DCP1A: variants seen among roughly 807,000 people sequenced by gnomAD.
DCP1A encodes the protein decapping mRNA 1A.
Under a neutral mutation model 58.0 loss-of-function variants are expected in DCP1A, and 20 were observed. The observed-to-expected ratio is 0.34, with a 90% CI of 0.24 to 0.50. The LOEUF is 0.50. Among genes scored for constraint, DCP1A ranks in the 20% least tolerant of loss-of-function variants. The probability of loss-of-function intolerance (pLI) is 0.98; values close to 1 mark genes in which losing one functional copy is unlikely to be tolerated. For synonymous variants in DCP1A, 285 were observed against 275.1 expected (o/e 1.04, Z -0.36); for missense variants, 613 against 712.2 (o/e 0.86, Z 1.59).
intron 5 of DCP1A, among the ~76,000 whole-genome samples, chr3:53,310,864 T>C (rs1386399534): frequency 1.3e-5 from 2 of 152,226 alleles, no homozygotes; most frequent in Non-Finnish European, 2.9e-5. Flanking sequence ...AGAAGGTCTA[T>C]GTAGTTTATG....
intron 3 of DCP1A, among the ~76,000 whole-genome samples, chr3:53,326,788 A>G (rs898473591): frequency 3.4e-4 from 52 of 152,318 alleles, no homozygotes; most frequent in African/African-American, 1.3e-3. Context: ...TAATTATTTC[A>G]TTATTTATTA....
chr3:53,315,355 T>C (rs111403831), intron 4 of DCP1A, among the ~76,000 whole-genome samples: 24,963 of 151,846 alleles, frequency 0.16, 2,546 homozygotes, highest in Middle Eastern at 0.28. Flanking sequence ...CAGGTCAAGA[T>C]GGTGAAACCC....
chr3:53,331,716 C>T (rs2089007744), intron 3 of DCP1A, among the ~76,000 whole-genome samples: 1 of 152,132 alleles, frequency 6.6e-6, no homozygotes, highest in Admixed American at 6.6e-5. Context: ...TAAAAAATTC[C>T]TCAGAACACA....
intron 3 of DCP1A, among the ~76,000 whole-genome samples, chr3:53,337,545 T>C (rs995982188): frequency 2.0e-5 from 3 of 152,256 alleles, no homozygotes; most frequent in East Asian, 1.9e-4. Flanking sequence ...GCCAAGGTTA[T>C]AGTCAGTAAG....
At chr3:53,322,271 G>A (rs913505314) in intron 3 of DCP1A, among the ~76,000 whole-genome samples, 2 of 151,970 alleles carry the variant, frequency 1.3e-5, no homozygotes, top group African/African-American at 2.4e-5. Flanking sequence ...TGGCCAACAC[G>A]ATGAAACCCG....
Position 53,304,194 on chromosome 3 carries a change from A to C in DCP1A, c.607T>G (p.Ser203Ala), listed in dbSNP as rs1707396222. 1.2e-6 allele frequency: 2 copies of C among 1,613,068 alleles called. No homozygotes were observed. Among genetic ancestry groups the C allele is most frequent in the Non-Finnish European group, 8.5e-7 (1 of 1,179,328 alleles). The change falls in exon 6 of 10, where the codon TCC (serine) becomes GCC (alanine). Residue 203 changes from serine (S) to alanine (A), a missense_variant. Transcript: ENST00000610213. The part of the protein sequence containing the change: ...GSTETLEEMP[S>A]GSQDKSAPSG... ...GTACAAACCTTATCCTGTGACCCGG[A>C]GGGCATTTCTTCTAGAGTCTCGGTG...
At chr3:53,293,947 C>T (rs1707021467) in intron 6 of DCP1A, among the ~76,000 whole-genome samples, 1 of 152,144 alleles carries the variant, frequency 6.6e-6, no homozygotes, top group South Asian at 2.1e-4. Context: ...CACACACACA[C>T]AAGGCAGAGT....
intron 5 of DCP1A, among the ~76,000 whole-genome samples, chr3:53,306,228 T>G (rs1415997349): frequency 2.0e-5 from 3 of 152,202 alleles, no homozygotes; most frequent in Non-Finnish European, 4.4e-5. Context: ...TTACTCAGTG[T>G]TATCAATTTG....
chr3:53,311,953 T>TG (rs1707655493), intron 5 of DCP1A, among the ~76,000 whole-genome samples: 1 of 146,222 alleles, frequency 6.8e-6, no homozygotes, highest in Non-Finnish European at 1.5e-5. Context: ...ACATCTGTTT[T>TG]AAAAAAAAAA....
At chr3:53,333,690 A>C (rs1553691593) in intron 3 of DCP1A, among the ~76,000 whole-genome samples, 1 of 152,200 alleles carries the variant, frequency 6.6e-6, no homozygotes, top group Non-Finnish European at 1.5e-5. Flanking sequence ...GTGGCTTATT[A>C]AAATCTGTCA....
rs544188072 is a variant in DCP1A at position 53,310,130 on chromosome 3, CAT to C, written c.510+2109_510+2110del. Among the ~76,000 whole-genome samples, 99 of 152,332 alleles carry C rather than the reference CAT, an allele frequency of 6.5e-4. 1 individual carries two copies. Among genetic ancestry groups the C allele is most frequent in the Middle Eastern group, 6.8e-3 (2 of 294 alleles). On this transcript the variant is annotated intron_variant, in intron 5 of 9. Transcript: ENST00000610213. ...ACAGTTTTCAAAATCAGAAAGAACA[CAT>C]GATAAAGTAAATATCAAAGATTTAA...
intron 6 of DCP1A, among the ~76,000 whole-genome samples, chr3:53,301,660 GCTTT>G (rs1407556356): frequency 6.6e-6 from 1 of 152,166 alleles, no homozygotes; most frequent in Non-Finnish European, 1.5e-5. Context: ...GTTCATAGGA[GCTTT>G]ATTTGTAATA....
intron 2 of DCP1A, among the ~76,000 whole-genome samples, chr3:53,344,151 G>T (rs2089261749): frequency 6.6e-6 from 1 of 151,140 alleles, no homozygotes; most frequent in African/African-American, 2.4e-5. Flanking sequence ...AAAAAAAAAA[G>T]GGAAAAGACC....
chr3:53,333,489 T>C (rs1390655202), intron 3 of DCP1A, among the ~76,000 whole-genome samples: 1 of 152,168 alleles, frequency 6.6e-6, no homozygotes, highest in Non-Finnish European at 1.5e-5. Context: ...GTTAACTGTA[T>C]TGTTCAACTA....
chr3:53,296,223 A>T (rs1291596611), intron 6 of DCP1A, among the ~76,000 whole-genome samples: 2 of 152,198 alleles, frequency 1.3e-5, no homozygotes, highest in African/African-American at 4.8e-5. Flanking sequence ...GCAAGCATGG[A>T]GTACCAAACA....
At chr3:53,310,753 T>C (rs1488499663) in intron 5 of DCP1A, among the ~76,000 whole-genome samples, 10 of 152,222 alleles carry the variant, frequency 6.6e-5, no homozygotes, top group Non-Finnish European at 1.2e-4. Context: ...CCTAATTCTC[T>C]GTGAGACATT....
At chr3:53,300,170 A>G (rs1707266353) in intron 6 of DCP1A, among the ~76,000 whole-genome samples, 1 of 151,990 alleles carries the variant, frequency 6.6e-6, no homozygotes, top group Non-Finnish European at 1.5e-5. Context: ...TCCATGCCCG[A>G]CCAAACGTGA....
rs1553684813 is a variant in DCP1A at position 53,284,215 on chromosome 3, C to T, written c.*3365G>A. On this transcript the variant is annotated 3_prime_UTR_variant, in exon 10 of 10. Transcript: ENST00000610213. ...CCACCTCTCATTCCTCTCAGAGTTA[C>T]AGTATGATGGCTGATTTTGTTTTTT... is the stretch of plus-strand genomic sequence containing the variant. 6.6e-6 allele frequency: 1 copy of T among 152,222 alleles called. No individual in the cohort carries two copies. The allele number at this position is 152,222 out of a possible 1,614,324, so 9.4% of individuals were successfully genotyped here. A position where few individuals can be genotyped will look rare whatever the true frequency, so the allele number is the denominator to read the frequency against.
At chr3:53,316,198 AT>A (rs1553689230) in intron 4 of DCP1A, among the ~76,000 whole-genome samples, 1 of 152,184 alleles carries the variant, frequency 6.6e-6, no homozygotes, top group African/African-American at 2.4e-5. Flanking sequence ...CTGTGCTAGT[AT>A]TTTTGGATAG....
Sources: gnomAD v4.1 joint callset for allele counts (sites outside exome capture counted in the v4.1 genomes callset) on GRCh38, gnomAD v4.1.1 for gene constraint, MANE v1.5 for transcripts, NCBI Gene and HGNC (gene_info 2026-07-23, HGNC 2026-07-21) for gene names.